ZNHIT6: variants seen among roughly 807,000 people sequenced by gnomAD.
ZNHIT6 encodes zinc finger HIT-type containing 6.
ZNHIT6 carries 45 observed loss-of-function variants against 57.2 expected under a neutral mutation model. That is an observed-to-expected ratio of 0.79 (90% CI 0.62 to 1.01). The LOEUF (loss-of-function observed/expected upper bound fraction) is 1.01, where lower values mean the gene tolerates loss of function less well. Among genes scored for constraint, ZNHIT6 ranks in the 50% least tolerant of loss-of-function variants. The pLI is 0.00. For synonymous variants in ZNHIT6, 188 were observed against 190.0 expected, an observed-to-expected ratio of 0.99 and a Z score of 0.09; for missense variants, 528 against 567.3, an observed-to-expected ratio of 0.93 and a Z score of 0.70.
intron 8 of ZNHIT6, among the ~76,000 whole-genome samples, chr1:85,666,306 T>C (rs904746067): frequency 6.6e-6 from 1 of 152,198 alleles, no homozygotes; most frequent in Admixed American, 6.5e-5. Flanking sequence ...AACATTTAAA[T>C]TGGTCACAAA....
At chr1:85,665,370 C>T (rs1035983255) in intron 8 of ZNHIT6, among the ~76,000 whole-genome samples, 4 of 152,090 alleles carry the variant, frequency 2.6e-5, no homozygotes, top group African/African-American at 9.7e-5. Context: ...AATGATCCTC[C>T]TGCCTCAGCC....
rs1433182633 is a variant in ZNHIT6, at chr1:85,687,291, AAAAAAAAC to A, written c.1020-6395_1020-6388del. On this transcript the variant is annotated intron_variant, in intron 5 of 9. Transcript: ENST00000370574. ...GTGAGAAGACTATCTCAAAAAACAA[AAAAAAAAC>A]AAAAAAAAAAAACAATTTAGAACCC... 4.9e-4 allele frequency among the ~76,000 whole-genome samples: 65 copies of A among 132,474 alleles called. 4 individuals are homozygous for A. In the East Asian group the frequency reaches 9.6e-3, roughly 19 times the overall value. 86.9% of individuals were successfully genotyped at this position (132,474 alleles called of 152,430 possible).
chr1:85,698,429 C>A (rs1764294), intron 5 of ZNHIT6, among the ~76,000 whole-genome samples: 1 of 151,986 alleles, frequency 6.6e-6, no homozygotes. Context: ...GGTACAATGG[C>A]ACATTCATCA....
At chr1:85,696,484 C>G (rs1346122439) in intron 5 of ZNHIT6, among the ~76,000 whole-genome samples, 1 of 152,054 alleles carries the variant, frequency 6.6e-6, no homozygotes, top group Non-Finnish European at 1.5e-5. Context: ...TTACTTAACT[C>G]AGTCCATACT....
Position 85,707,762 on chromosome 1 carries a change from CCT to C in ZNHIT6, c.521_522del (p.Glu174GlyfsTer22), listed in dbSNP as rs1662732441. The C allele has an allele frequency of 6.2e-7, 1 of 1,614,002 alleles. No individual in the cohort carries two copies. Among genetic ancestry groups the C allele is most frequent in the Non-Finnish European group, 8.5e-7 (1 of 1,180,016 alleles). ...EEKFVGQCIK[E>X]ELMHGECVKE... ...TTTACACACTCTCCATGCATCAATTCCTCTTTTATGCATTGACCAACAAACTT... is the reference window on the plus strand; with the variant it reads ...TTTACACACTCTCCATGCATCAATTCCTTTTATGCATTGACCAACAAACTT... On this transcript the variant is annotated frameshift_variant, in exon 1 of 10. Coordinates refer to ENST00000370574, the MANE Select transcript of ZNHIT6 (RefSeq NM_017953.4). LOFTEE classifies it high-confidence loss of function.
chr1:85,690,135 G>A (rs1329286866), intron 5 of ZNHIT6, among the ~76,000 whole-genome samples: 1 of 152,102 alleles, frequency 6.6e-6, no homozygotes, highest in East Asian at 1.9e-4. Flanking sequence ...GGAACATTTA[G>A]TTGAATACAT....
intron 6 of ZNHIT6, 33 bp from the exon 7 acceptor site, chr1:85,678,814 T>C: frequency 1.7e-6 from 2 of 1,210,480 alleles, no homozygotes; most frequent in Admixed American, 2.8e-5. Context: ...CAAGCTATAT[T>C]AGTATTTATA....
At chr1:85,659,273 G>A (rs1045567749) in intron 8 of ZNHIT6, among the ~76,000 whole-genome samples, 2 of 152,156 alleles carry the variant, frequency 1.3e-5, no homozygotes, top group Non-Finnish European at 2.9e-5. Context: ...ATTCTTGCTT[G>A]CTTTCTGGGG....
At position 85,707,849 on chromosome 1, in the gene ZNHIT6, C is replaced by CCTCTTCCTTTACCTT; in HGVS notation, c.421_435dup (p.Lys141_Glu145dup). The CCTCTTCCTTTACCTT allele has an allele frequency of 6.2e-7, 1 of 1,614,104 alleles. No homozygotes were observed. Among genetic ancestry groups the CCTCTTCCTTTACCTT allele is most frequent in the Non-Finnish European group, 8.5e-7 (1 of 1,180,020 alleles). ...TCCTTCACTTCTGACCAGTCCATTA[C>CCTCTTCCTTTACCTT]CTCTTCCTTTACCTTCTCTTCCTTT... is the stretch of plus-strand genomic sequence containing the variant. On this transcript the variant is annotated inframe_insertion, in exon 1 of 10. Coordinates refer to ENST00000370574, the MANE Select transcript of ZNHIT6 (RefSeq NM_017953.4).
At chr1:85,663,245 T>A (rs893575503) in intron 8 of ZNHIT6, among the ~76,000 whole-genome samples, 1 of 152,150 alleles carries the variant, frequency 6.6e-6, no homozygotes, top group Non-Finnish European at 1.5e-5. Flanking sequence ...AGCAAGGAAA[T>A]GACATACTTA....
intron 5 of ZNHIT6, among the ~76,000 whole-genome samples, chr1:85,700,437 A>G (rs1223528717): frequency 6.6e-6 from 1 of 152,222 alleles, no homozygotes; most frequent in Non-Finnish European, 1.5e-5. Flanking sequence ...AGACTTATGC[A>G]AGAAGAATCT....
chr1:85,700,917 C>T (rs549116309), intron 5 of ZNHIT6, among the ~76,000 whole-genome samples: 74 of 152,208 alleles, frequency 4.9e-4, no homozygotes, highest in Non-Finnish European at 6.3e-4. Flanking sequence ...AGGGATGCTC[C>T]CACTTCAGCC....
At chr1:85,676,465 T>A (rs1661708287) in intron 8 of ZNHIT6, among the ~76,000 whole-genome samples, 1 of 152,230 alleles carries the variant, frequency 6.6e-6, no homozygotes, top group Admixed American at 6.5e-5. Context: ...AGGAGAGGCC[T>A]AGCTTTCAGC....
intron 5 of ZNHIT6, among the ~76,000 whole-genome samples, chr1:85,686,208 G>A (rs887147827): frequency 1.3e-5 from 2 of 149,954 alleles, no homozygotes; most frequent in Admixed American, 6.6e-5. Flanking sequence ...TGATACGCCC[G>A]CCTCGGCCTC....
intron 8 of ZNHIT6, among the ~76,000 whole-genome samples, chr1:85,663,909 C>T (rs889943119): frequency 2.8e-5 from 4 of 144,100 alleles, no homozygotes; most frequent in African/African-American, 4.9e-5. Context: ...GCTGTTAGCC[C>T]GGTGTAGGTG....
In ZNHIT6 at chr1:85,667,961, A is replaced by AAAAAAAAAAAAAAATGTATATATAT; in HGVS notation, c.1247+9274_1247+9275insATATATATACATTTTTTTTTTTTTT. Among the ~76,000 whole-genome samples the AAAAAAAAAAAAAAATGTATATATAT allele has an allele frequency of 3.0e-3, 55 of 18,200 alleles. 20 individuals carry two copies. Among genetic ancestry groups the AAAAAAAAAAAAAAATGTATATATAT allele is most frequent in the Non-Finnish European group, 4.8e-3 (49 of 10,104 alleles). 11.9% of individuals were successfully genotyped at this position (18,200 alleles called of 152,430 possible). A position where few individuals can be genotyped will look rare whatever the true frequency, so the allele number is the denominator to read the frequency against. ...ACTCTCTCTTTCAAAAAAAAAAAAA[A>AAAAAAAAAAAAAAATGTATATATAT]ATATATATATATATATATATATATG... On this transcript the variant is annotated intron_variant, in intron 8 of 9. Transcript: ENST00000370574.
intron 8 of ZNHIT6, among the ~76,000 whole-genome samples, chr1:85,663,224 T>C (rs1451655401): frequency 1.3e-5 from 2 of 152,204 alleles, no homozygotes; most frequent in African/African-American, 4.8e-5. Context: ...CAAAAGTAAT[T>C]TGGCACTCCT....
At chr1:85,674,914 G>A (rs1320247320) in intron 8 of ZNHIT6, among the ~76,000 whole-genome samples, 1 of 152,076 alleles carries the variant, frequency 6.6e-6, no homozygotes, top group Non-Finnish European at 1.5e-5. Context: ...ATAAACAGGG[G>A]ATACTGAGTA....
intron 8 of ZNHIT6, among the ~76,000 whole-genome samples, chr1:85,662,867 G>GGT (rs1436455911): frequency 3.3e-5 from 5 of 152,160 alleles, no homozygotes; most frequent in Non-Finnish European, 7.4e-5. Context: ...TTCTAACCAT[G>GGT]ATATTTAAAC....
Sources: allele counts gnomAD v4.1 joint callset (sites outside exome capture counted in the v4.1 genomes callset), GRCh38; gene constraint gnomAD v4.1.1; transcripts MANE v1.5; gene names NCBI Gene and HGNC (gene_info 2026-07-23, HGNC 2026-07-21).